The following NAA11 variants were observed in gnomAD, a reference collection of about 807,000 sequenced individuals.
The protein encoded by NAA11 is N-alpha-acetyltransferase 11, NatA catalytic subunit.
In NAA11, 15 loss-of-function variants were observed where a neutral mutation model predicts 16.1. That is an observed-to-expected ratio of 0.93 (90% CI 0.62 to 1.44). NAA11 has a LOEUF of 1.44. Among genes scored for constraint, NAA11 ranks in the 40% most tolerant of loss-of-function variants. NAA11 has a pLI of 0.00. For missense variants in NAA11, 298 were observed against 291.3 expected (o/e 1.02, Z -0.17); for synonymous variants, 122 against 112.4 (o/e 1.09, Z -0.54).
chr4:79,249,389 C>T (rs1384226500), intron 2 of NAA11, among the ~76,000 whole-genome samples: 1 of 152,162 alleles, frequency 6.6e-6, no homozygotes, highest in East Asian at 1.9e-4. Flanking sequence ...AATACGTGAG[C>T]TGATGAACAA....
At chr4:79,219,498 C>T in the NAA11 span, among the ~76,000 whole-genome samples, 456 of 152,252 alleles carry the variant, frequency 3.0e-3, 2 homozygotes, top group African/African-American at 0.01. Context: ...TTCTCAATCT[C>T]CTTTTCTGTG....
chr4:79,265,702 C>G (rs1008492638), intron 2 of NAA11, among the ~76,000 whole-genome samples: 1 of 152,092 alleles, frequency 6.6e-6, no homozygotes, highest in Non-Finnish European at 1.5e-5. Context: ...GGTTTTATGA[C>G]CAAGTTTTAT....
At chr4:79,311,538 T>A (rs1328811312) in intron 1 of NAA11, among the ~76,000 whole-genome samples, 3 of 152,212 alleles carry the variant, frequency 2.0e-5, no homozygotes, top group African/African-American at 7.2e-5. Flanking sequence ...TTCATGGCGC[T>A]CCTATTAGCC....
At chr4:79,302,921 A>G (rs1449622688) in intron 1 of NAA11, among the ~76,000 whole-genome samples, 1 of 151,702 alleles carries the variant, frequency 6.6e-6, no homozygotes, top group African/African-American at 2.4e-5. Context: ...TAAGACAGAA[A>G]TAAAATTCTA....
chr4:79,325,368 C>A lies in NAA11; in HGVS notation c.510G>T (p.Val170=). 1 of 1,614,006 alleles carries A rather than the reference C, an allele frequency of 6.2e-7. No homozygotes were observed. The highest frequency in any genetic ancestry group is 8.5e-7 in the Non-Finnish European group (1 of 1,179,904). The change falls in exon 1 of 2, where the codon GTG becomes GTT. Residue 170 remains valine, a synonymous_variant. Coordinates refer to ENST00000286794, the MANE Select transcript of NAA11 (RefSeq NM_032693.3). ...CCTGGTTCTCCCTGGAGCCCAGGACCACATACCCGCCCTTCTTCAGGTCCA... is the reference window on the plus strand; with the variant it reads ...CCTGGTTCTCCCTGGAGCCCAGGACAACATACCCGCCCTTCTTCAGGTCCA... ...RQMDLKKGGY[V]VLGSRENQET...
At chr4:79,302,341 T>TAAG (rs1228197214) in intron 1 of NAA11, among the ~76,000 whole-genome samples, 1 of 152,200 alleles carries the variant, frequency 6.6e-6, no homozygotes, top group Non-Finnish European at 1.5e-5. Context: ...ATCTATACAA[T>TAAG]AAGTATTCAA....
the NAA11 span, among the ~76,000 whole-genome samples, chr4:79,194,687 G>A: frequency 3.9e-5 from 6 of 152,092 alleles, no homozygotes; most frequent in Non-Finnish European, 8.8e-5. Context: ...AAGCAGGTAA[G>A]GAGTTTGTCT....
chr4:79,234,997 A>G (rs1721541867), intron 2 of NAA11, among the ~76,000 whole-genome samples: 1 of 152,078 alleles, frequency 6.6e-6, no homozygotes, highest in African/African-American at 2.4e-5. Flanking sequence ...GTCCTTCTTA[A>G]TTAGTTAATA....
At chr4:79,301,213 G>GAGA (rs1361381731) in intron 1 of NAA11, among the ~76,000 whole-genome samples, 1 of 152,156 alleles carries the variant, frequency 6.6e-6, no homozygotes, top group Non-Finnish European at 1.5e-5. Flanking sequence ...TATTATTGTG[G>GAGA]AGAAGTTTTA....
chr4:79,312,646 C>CAAAA (rs544315352), downstream of NAA11, among the ~76,000 whole-genome samples: 42 of 69,416 alleles, frequency 6.1e-4, 1 homozygote, highest in African/African-American at 1.2e-3. Context: ...GACTCCATCT[C>CAAAA]AAAAAAAAAA....
At chr4:79,213,286 G>A in the NAA11 span, among the ~76,000 whole-genome samples, 2 of 152,062 alleles carry the variant, frequency 1.3e-5, no homozygotes, top group Admixed American at 6.6e-5. Context: ...TGTACAGGCA[G>A]GCAAGTACAT....
rs148586075 is a variant in NAA11, at chr4:79,262,092, A to G, written c.*122+31913T>C. On this transcript the variant is annotated intron_variant and NMD_transcript_variant, in intron 2 of 2. Coordinates refer to the NAA11 transcript ENST00000511542. Reference sequence around the variant, plus strand: ...AAAGTTTGTGGGAATAAAGTGGTCAATGGATTCGTACCCAGTCTTTAAGCA... The same window carrying G: ...AAAGTTTGTGGGAATAAAGTGGTCAGTGGATTCGTACCCAGTCTTTAAGCA... Among the ~76,000 whole-genome samples the G allele has an allele frequency of 4.1e-3, 625 of 152,322 alleles. 4 individuals are homozygous for G. Among genetic ancestry groups the G allele is most frequent in the African/African-American group, 0.014 (587 of 41,590 alleles).
At chr4:79,180,796 C>A in the NAA11 span, among the ~76,000 whole-genome samples, 1 of 152,136 alleles carries the variant, frequency 6.6e-6, no homozygotes, top group South Asian at 2.1e-4. Flanking sequence ...TTTACTGCGG[C>A]ACTATTCACA....
At chr4:79,196,979 A>AAAAAAAAAAAAAAAAAAAG in the NAA11 span, among the ~76,000 whole-genome samples, 4 of 125,552 alleles carry the variant, frequency 3.2e-5, no homozygotes, top group Admixed American at 8.6e-5. Context: ...AAAAAAAAAA[A>AAAAAAAAAAAAAAAAAAAG]AAAGAAAGAA....
the NAA11 span, among the ~76,000 whole-genome samples, chr4:79,187,809 A>G: frequency 2.6e-5 from 4 of 151,990 alleles, no homozygotes; most frequent in Non-Finnish European, 5.9e-5. Context: ...ATCCTGGCTA[A>G]CACGGTGAAA....
chr4:79,267,875 A>G (rs763202780), intron 2 of NAA11, among the ~76,000 whole-genome samples: 22 of 152,028 alleles, frequency 1.4e-4, no homozygotes, highest in Non-Finnish European at 2.9e-4. Flanking sequence ...TGCCTGCCAT[A>G]TGTTCATATA....
rs184078617 is a variant in NAA11, at chr4:79,255,752, T to C, written c.*123-29482A>G. 6.2e-4 allele frequency among the ~76,000 whole-genome samples: 94 copies of C among 152,320 alleles called. 1 individual carries two copies. The highest frequency in any genetic ancestry group is 2.1e-3 in the African/African-American group (89 of 41,574). ...TAGAGGTGGAAGAAAGCAGCTTTAT[T>C]GAAGAGACGTTGTTACAGCTCCATG... is the stretch of plus-strand genomic sequence containing the variant. On this transcript the variant is annotated intron_variant and NMD_transcript_variant, in intron 2 of 2. Transcript: ENST00000511542.
At chr4:79,164,916 C>T in the NAA11 span, among the ~76,000 whole-genome samples, 3 of 152,202 alleles carry the variant, frequency 2.0e-5, no homozygotes, top group African/African-American at 7.2e-5. Flanking sequence ...TGGGGAACAA[C>T]TGCCTAATGT....
intron 2 of NAA11, among the ~76,000 whole-genome samples, chr4:79,261,435 A>G (rs952400836): frequency 2.0e-5 from 3 of 152,190 alleles, no homozygotes; most frequent in Admixed American, 2.0e-4. Flanking sequence ...TATATAAAGA[A>G]TAGGGTCTAA....
Sources: gnomAD v4.1 joint callset for allele counts (sites outside exome capture counted in the v4.1 genomes callset) on GRCh38, gnomAD v4.1.1 for gene constraint, MANE v1.5 for transcripts, NCBI Gene and HGNC (gene_info 2026-07-23, HGNC 2026-07-21) for gene names.